The following LEPR variants were observed in gnomAD, a reference collection of about 807,000 sequenced individuals.
The protein encoded by LEPR is OB receptor.
Under a neutral mutation model 114.7 loss-of-function variants are expected in LEPR, and 56 were observed. The ratio of observed to expected loss-of-function variants is 0.49; its 90% CI spans 0.39 to 0.61. The LOEUF is 0.61. Among genes scored for constraint, LEPR ranks in the 20% least tolerant of loss-of-function variants. The pLI, the probability that LEPR is intolerant of heterozygous loss-of-function variation, is 0.00. For missense variants in LEPR, 1,202 were observed against 1,352.9 expected (o/e 0.89, Z 1.75); for synonymous variants, 443 against 461.4 (o/e 0.96, Z 0.51).
chr1:65,526,653 C>T (rs1051557163), intron 2 of LEPR, among the ~76,000 whole-genome samples: 2 of 152,026 alleles, frequency 1.3e-5, no homozygotes, highest in South Asian at 4.1e-4. Context: ...ATCAGAAAAT[C>T]TGAGTTTTGG....
chr1:65,628,787 G>T (rs568263981), intron 19 of LEPR, among the ~76,000 whole-genome samples: 2 of 152,022 alleles, frequency 1.3e-5, no homozygotes, highest in Non-Finnish European at 2.9e-5. Context: ...GTTCTCTCAT[G>T]TATATGATAT....
At chr1:65,582,207 A>G (rs1655035265) in intron 5 of LEPR, among the ~76,000 whole-genome samples, 1 of 152,186 alleles carries the variant, frequency 6.6e-6, no homozygotes, top group Non-Finnish European at 1.5e-5. Flanking sequence ...GTAATCATTT[A>G]TTATCTCACA....
At chr1:65,446,356 A>C (rs569338899) in intron 2 of LEPR, among the ~76,000 whole-genome samples, 3 of 152,240 alleles carry the variant, frequency 2.0e-5, no homozygotes, top group African/African-American at 7.2e-5. Flanking sequence ...GGCATCTGTA[A>C]ACTGTCATGG....
At position 65,570,731 on chromosome 1, in the gene LEPR, C is replaced by G. The variant is rs1297438423; in HGVS notation, c.299C>G (p.Ser100Cys). The G allele has an allele frequency of 6.2e-7, 1 of 1,604,690 alleles. No individual in the cohort carries two copies. Among genetic ancestry groups the G allele is most frequent in the Admixed American group, 1.7e-5 (1 of 59,450 alleles). The change falls in exon 4 of 20, where the codon TCC becomes TGC. Residue 100 changes from serine (S) to cysteine (C), a missense_variant. Physicochemically the swap from Ser to Cys is moderately radical, Grantham distance 112 (BLOSUM62 -1). Coordinates refer to ENST00000349533, the MANE Select transcript of LEPR (RefSeq NM_002303.6). The part of the protein sequence containing the change: ...CFRSEQDRNC[S>C]LCADNIEGKT... ...CGGAGTGAGCAAGATAGAAACTGCT[C>G]CTTATGTGCAGACAACATTGAAGGA...
intron 2 of LEPR, among the ~76,000 whole-genome samples, chr1:65,528,586 A>C (rs979665039): frequency 3.3e-5 from 5 of 152,028 alleles, no homozygotes; most frequent in African/African-American, 1.2e-4. Context: ...AAATATAAAT[A>C]AAATCTTTAA....
chr1:65,634,444 TA>T (rs2101043757), intron 19 of LEPR: 1 of 968,310 alleles, frequency 1.0e-6, no homozygotes, highest in Non-Finnish European at 1.2e-6. Context: ...TCTAAAATCT[TA>T]AAAAAAGATG....
chr1:65,461,338 C>G (rs999300974), intron 2 of LEPR, among the ~76,000 whole-genome samples: 1 of 152,050 alleles, frequency 6.6e-6, no homozygotes, highest in Non-Finnish European at 1.5e-5. Context: ...GAGAAGTGGT[C>G]AATTCTAGCA....
chr1:65,580,547 GA>G (rs1344988829), intron 5 of LEPR, among the ~76,000 whole-genome samples: 2 of 152,194 alleles, frequency 1.3e-5, no homozygotes, highest in Non-Finnish European at 2.9e-5. Flanking sequence ...AGATACTCTA[GA>G]AATGTAATAT....
At chr1:65,492,950 A>G (rs917738998) in intron 2 of LEPR, among the ~76,000 whole-genome samples, 1 of 151,826 alleles carries the variant, frequency 6.6e-6, no homozygotes, top group African/African-American at 2.4e-5. Flanking sequence ...TGCTGCCCCT[A>G]TCAACCCATC....
At chr1:65,544,634 G>T (rs1245451955) in intron 2 of LEPR, among the ~76,000 whole-genome samples, 1 of 150,724 alleles carries the variant, frequency 6.6e-6, no homozygotes, top group Non-Finnish European at 1.5e-5. Flanking sequence ...TTTATTGAGC[G>T]TTTTTAGCAT....
intron 2 of LEPR, chr1:65,525,638 C>T: frequency 1.0e-6 from 1 of 985,864 alleles, no homozygotes; most frequent in Non-Finnish European, 1.2e-6. Flanking sequence ...TGCTCAGCCC[C>T]ACCTCCCCAC....
chr1:65,508,626 C>T (rs1050053580), intron 2 of LEPR, among the ~76,000 whole-genome samples: 2 of 151,774 alleles, frequency 1.3e-5, no homozygotes. Context: ...GTGTGATGAC[C>T]CTGGCTTTGA....
intron 2 of LEPR, among the ~76,000 whole-genome samples, chr1:65,443,574 A>G (rs898325615): frequency 1.4e-4 from 21 of 152,058 alleles, no homozygotes; most frequent in African/African-American, 4.8e-4. Context: ...ACTATATTTA[A>G]ATACTAAGGG....
At chr1:65,548,712 G>C (rs1652001611) in intron 2 of LEPR, among the ~76,000 whole-genome samples, 1 of 152,100 alleles carries the variant, frequency 6.6e-6, no homozygotes. Flanking sequence ...CTCTGCATGT[G>C]AGATGGGTTT....
chr1:65,481,359 A>G (rs1647231459), intron 2 of LEPR, among the ~76,000 whole-genome samples: 1 of 152,160 alleles, frequency 6.6e-6, no homozygotes, highest in African/African-American at 2.4e-5. Flanking sequence ...CGGGGAAAAA[A>G]AACCCACAAC....
At chr1:65,432,566 TA>T (rs36067009) in intron 2 of LEPR, 65,558 of 854,452 alleles carry the variant, frequency 0.077, 86 homozygotes, top group South Asian at 0.14. Context: ...CTCATTTGTT[TA>T]AAAAAAAAAA....
chr1:65,572,177 G>A (rs758020529), intron 4 of LEPR, 149 bp from the exon 5 acceptor site: 23 of 1,113,674 alleles, frequency 2.1e-5, no homozygotes, highest in Non-Finnish European at 2.8e-5. Context: ...GTTAAAGCTT[G>A]TTCTTTTTCT....
rs148964703 is a variant in LEPR, at chr1:65,544,718, AAATAT to A, written c.-20-20823_-20-20819del. 8.4e-3 allele frequency among the ~76,000 whole-genome samples: 1,275 copies of A among 151,072 alleles called. 73 individuals are homozygous for A. The East Asian group carries it at 0.17, about 20-fold the overall frequency. ...AATCATGCGGTTTTTTTTTGCATAT[AAATAT>A]AATAGAATATTATTCAGCCTTAAAA... On this transcript the variant is annotated intron_variant, in intron 2 of 19. Coordinates refer to ENST00000349533, the MANE Select transcript of LEPR (RefSeq NM_002303.6).
intron 2 of LEPR, among the ~76,000 whole-genome samples, chr1:65,488,210 T>TCTC (rs1647642252): frequency 3.9e-5 from 1 of 25,858 alleles, no homozygotes; most frequent in African/African-American, 1.8e-4. Context: ...CTTTCTTTCT[T>TCTC]TCTCTCTCTC....
Sources: allele counts gnomAD v4.1 joint callset (sites outside exome capture counted in the v4.1 genomes callset), GRCh38; gene constraint gnomAD v4.1.1; transcripts MANE v1.5; gene names NCBI Gene and HGNC (gene_info 2026-07-23, HGNC 2026-07-21).